Variants in TET3 observed in about 807,000 individuals in gnomAD.
TET3 encodes the protein tet methylcytosine dioxygenase 3, also known as methylcytosine dioxygenase TET3.
A neutral mutation model predicts 141.4 loss-of-function variants in TET3; 19 were observed. The observed-to-expected ratio is 0.13, with a 90% CI of 0.09 to 0.20. The LOEUF is 0.20. TET3 is among the 10% of genes least tolerant of loss of function. TET3 has a pLI of 1.00. For missense variants in TET3, 1,874 were observed against 2,356.9 expected (o/e 0.80, Z 4.24); for synonymous variants, 1,043 against 980.9 (o/e 1.06, Z -1.18).
Position 74,105,162 on chromosome 2 carries a change from TAAAGC to T in TET3, c.*2987_*2991del. On this transcript the variant is annotated 3_prime_UTR_variant, in exon 12 of 12. Transcript: ENST00000409262. ...GACATTTTTATCATGAGAAGAAAAA[TAAAGC>T]CATTGCAACTAAAGAACCTAACAGC... The T allele has an allele frequency of 2.5e-6, 1 of 398,516 alleles. No homozygotes were observed. The highest frequency in any genetic ancestry group is 4.4e-6 in the Non-Finnish European group (1 of 226,038). The allele number at this position is 398,516 out of a possible 1,614,324, so 24.7% of individuals were successfully genotyped here.
At chr2:73,995,752 G>C (rs1684560556) in intron 2 of TET3, among the ~76,000 whole-genome samples, 1 of 152,152 alleles carries the variant, frequency 6.6e-6, no homozygotes, top group African/African-American at 2.4e-5. Context: ...ACCCTGTGTG[G>C]TCCCTGAACC....
At position 74,093,044 on chromosome 2, in the gene TET3, T is replaced by C; in HGVS notation, c.3129+53T>C. On this transcript the variant is annotated intron_variant, in intron 9 of 11. Transcript: ENST00000409262. This position sits in a 1 kb window ranked among gnomAD's most constrained non-coding sequence, Gnocchi z 4.2. ...CACATGTCACCGTCCACATCTCTGCTCAGGCTCTGAAGGTGGGAAGTGGGA... is the reference window on the plus strand; with the variant it reads ...CACATGTCACCGTCCACATCTCTGCCCAGGCTCTGAAGGTGGGAAGTGGGA... The C allele has an allele frequency of 6.7e-7, 1 of 1,501,344 alleles. No individual in the cohort carries two copies. The highest frequency in any genetic ancestry group is 9.1e-7 in the Non-Finnish European group (1 of 1,101,712). The allele number at this position is 1,501,344 out of a possible 1,614,324, so 93.0% of individuals were successfully genotyped here. A position where few individuals can be genotyped will look rare whatever the true frequency, so the allele number is the denominator to read the frequency against.
chr2:74,004,699 C>T (rs557636875), intron 3 of TET3, among the ~76,000 whole-genome samples: 5 of 152,202 alleles, frequency 3.3e-5, no homozygotes, highest in African/African-American at 9.6e-5. Context: ...GCAGTTGATA[C>T]GGGCGATACT....
Position 74,047,409 on chromosome 2 carries a change from TCCCCGG to T in TET3, c.1503_1508del (p.Ala502_Pro503del), listed in dbSNP as rs750315378. On this transcript the variant is annotated inframe_deletion, in exon 4 of 12. Transcript: ENST00000409262. ...GGTCAAGGTGGAGGCACCCTCTTCC[TCCCCGG>T]CCCCGGCCCCATCCCCTGTACTTCA... The T allele has an allele frequency of 8.6e-5, 139 of 1,612,896 alleles. No homozygotes were observed. The Middle Eastern group carries it at 9.9e-4, about 11-fold the overall frequency.
chr2:74,116,296 A>T, the TET3 span, among the ~76,000 whole-genome samples: 45,698 of 152,026 alleles, frequency 0.3, 8,616 homozygotes, highest in African/African-American at 0.52. Context: ...GAAAACAGTA[A>T]GGAGGTTCCT....
chr2:74,052,900 A>G (rs1688022456), intron 4 of TET3, among the ~76,000 whole-genome samples: 1 of 152,132 alleles, frequency 6.6e-6, no homozygotes, highest in South Asian at 2.1e-4. Context: ...AAAACCCTCT[A>G]TTATTCAAGT....
At chr2:73,991,248 T>C (rs1684306663) in intron 2 of TET3, among the ~76,000 whole-genome samples, 1 of 152,040 alleles carries the variant, frequency 6.6e-6, no homozygotes, top group Non-Finnish European at 1.5e-5. Flanking sequence ...CGGCCACAGA[T>C]TCTAAATGAA....
At chr2:74,124,213 G>A in the TET3 span, among the ~76,000 whole-genome samples, 2 of 149,476 alleles carry the variant, frequency 1.3e-5, no homozygotes, top group Non-Finnish European at 3.0e-5. Flanking sequence ...CCGGGAGGGA[G>A]GTGGGGGGGT....
rs1000353262 is a variant in TET3 at position 74,105,218 on chromosome 2, A to G, written c.*3042A>G. ...ATGACCAAGTTCGAAGAGTCATATT[A>G]TAGCAACGGAAATCGATGGCGTCTT... On this transcript the variant is annotated 3_prime_UTR_variant, in exon 12 of 12. Transcript: ENST00000409262. 3 of 398,512 alleles carry G rather than the reference A, an allele frequency of 7.5e-6. No individual in the cohort carries two copies. Among genetic ancestry groups the G allele is most frequent in the African/African-American group, 6.2e-5 (3 of 48,628 alleles). The allele number at this position is 398,512 out of a possible 1,614,324, so 24.7% of individuals were successfully genotyped here. A position where few individuals can be genotyped will look rare whatever the true frequency, so the allele number is the denominator to read the frequency against.
intron 11 of TET3, 137 bp downstream of exon 11, chr2:74,099,749 C>G: frequency 1.1e-6 from 1 of 880,610 alleles, no homozygotes; most frequent in Non-Finnish European, 1.7e-6. Flanking sequence ...GTATCTGCAG[C>G]AGCCACAGCC....
chr2:74,003,024 C>T (rs909938257), intron 2 of TET3, 86 bp from the exon 3 acceptor site: 63 of 1,468,640 alleles, frequency 4.3e-5, no homozygotes, highest in South Asian at 4.0e-4. Flanking sequence ...TCTTCCCCTC[C>T]GGCCGGGCTG....
chr2:74,070,967 C>T (rs1015512630), intron 4 of TET3, among the ~76,000 whole-genome samples: 2 of 151,814 alleles, frequency 1.3e-5, no homozygotes, highest in Non-Finnish European at 2.9e-5. Flanking sequence ...AGAGTGAGAC[C>T]CTGTCTCTAG....
intron 3 of TET3, among the ~76,000 whole-genome samples, chr2:74,040,056 A>G (rs988722504): frequency 6.6e-6 from 1 of 152,218 alleles, no homozygotes; most frequent in African/African-American, 2.4e-5. Flanking sequence ...TGTTGTGGCT[A>G]TCTTTGGAAC....
At chr2:74,009,847 A>G (rs1558707482) in intron 3 of TET3, among the ~76,000 whole-genome samples, 1 of 152,184 alleles carries the variant, frequency 6.6e-6, no homozygotes, top group Non-Finnish European at 1.5e-5. Flanking sequence ...AATCAAACCC[A>G]TGGGCTCCTG....
chr2:74,005,629 CGGG>C (rs1685114209), intron 3 of TET3, among the ~76,000 whole-genome samples: 1 of 152,092 alleles, frequency 6.6e-6, no homozygotes, highest in Admixed American at 6.6e-5. Flanking sequence ...ACACGGGACA[CGGG>C]GGTGTCACGA....
chr2:74,006,343 A>G (rs1430731760), intron 3 of TET3, among the ~76,000 whole-genome samples: 1 of 152,232 alleles, frequency 6.6e-6, no homozygotes, highest in African/African-American at 2.4e-5. Flanking sequence ...CCCATCCATG[A>G]TAAGAACTGG....
At chr2:74,128,282 T>A in the TET3 span, among the ~76,000 whole-genome samples, 1 of 152,234 alleles carries the variant, frequency 6.6e-6, no homozygotes, top group African/African-American at 2.4e-5. Flanking sequence ...TGATTGTGAC[T>A]TTCTTCTTTT....
rs1351515635 is a variant in TET3, at chr2:74,099,585, G to C, written c.3577G>C (p.Glu1193Gln). Residue 1193 changes from glutamate (E) to glutamine (Q), a missense_variant, in exon 11 of 12, where the codon GAG (glutamate) becomes CAG (glutamine). By Grantham distance (29) the Glu-to-Gln change is conservative. This residue lies in a region of TET3 where 602 missense variants were observed against 590.2 expected (regional missense o/e 1.02). Transcript: ENST00000409262. ...GGAGAAGATCAAGCAGGAGGCCCTG[G>C]AGCTGGCGGGCATTACGTCGGACCC... ...TPEKIKQEAL[E>Q]LAGITSDPGL... 1 of 1,593,674 alleles carries C rather than the reference G, an allele frequency of 6.3e-7. No homozygotes were observed. Among genetic ancestry groups the C allele is most frequent in the South Asian group, 1.1e-5 (1 of 88,536 alleles).
At chr2:74,113,454 G>A in the TET3 span, among the ~76,000 whole-genome samples, 2 of 152,096 alleles carry the variant, frequency 1.3e-5, no homozygotes, top group African/African-American at 2.4e-5. Context: ...AGAGCAATTA[G>A]GCAAGAACTT....
Sources: gnomAD v4.1 joint callset for allele counts (sites outside exome capture counted in the v4.1 genomes callset) on GRCh38, gnomAD v4.1.1 for gene constraint, gnomAD v4.1.1 regional missense constraint, Gnocchi (gnomAD v3.1) non-coding constraint, MANE v1.5 for transcripts, NCBI Gene and HGNC (gene_info 2026-07-23, HGNC 2026-07-21) for gene names.